Variants in TSPAN15 observed in about 807,000 individuals in gnomAD.
The protein encoded by TSPAN15 is tetraspanin-15.
Under a neutral mutation model 34.5 loss-of-function variants are expected in TSPAN15, and 20 were observed. The ratio of observed to expected loss-of-function variants is 0.58; its 90% CI spans 0.41 to 0.84. TSPAN15 has a LOEUF of 0.84. Ranked by LOEUF, TSPAN15 falls within the 40% of genes least tolerant of loss-of-function variation. TSPAN15 has a pLI of 0.00. For synonymous variants in TSPAN15, 155 were observed against 153.9 expected (o/e 1.01, Z -0.05); for missense variants, 313 against 386.1 (o/e 0.81, Z 1.59).
At chr10:69,539,522 A>G in the TSPAN15 span, among the ~76,000 whole-genome samples, 62 of 114,622 alleles carry the variant, frequency 5.4e-4, 5 homozygotes, top group East Asian at 5.5e-3. Context: ...AAGAAGAAGA[A>G]GAAGAAGAAG....
At chr10:69,456,286 C>A (rs1841107767) in intron 1 of TSPAN15, among the ~76,000 whole-genome samples, 1 of 152,022 alleles carries the variant, frequency 6.6e-6, no homozygotes, top group East Asian at 1.9e-4. Context: ...CGGGGTTCTA[C>A]CATGTTGACC....
At chr10:69,493,591 G>C (rs1446909908) in intron 3 of TSPAN15, among the ~76,000 whole-genome samples, 3 of 150,290 alleles carry the variant, frequency 2.0e-5, no homozygotes, top group African/African-American at 7.4e-5. Flanking sequence ...TCCTGCCTCA[G>C]CCTCCCGAGT....
intron 3 of TSPAN15, among the ~76,000 whole-genome samples, chr10:69,490,449 G>A (rs1478346458): frequency 2.6e-5 from 4 of 152,316 alleles, no homozygotes; most frequent in Non-Finnish European, 4.4e-5. Context: ...GGCCAGGTGC[G>A]GTGGCTCATG....
chr10:69,461,858 C>G (rs1841265365), intron 1 of TSPAN15, among the ~76,000 whole-genome samples: 1 of 152,120 alleles, frequency 6.6e-6, no homozygotes, highest in South Asian at 2.1e-4. Context: ...ACCTTGACTT[C>G]ATGGCTCAAG....
intron 1 of TSPAN15, among the ~76,000 whole-genome samples, chr10:69,471,567 C>T (rs1189072562): frequency 6.6e-6 from 1 of 151,918 alleles, no homozygotes; most frequent in Non-Finnish European, 1.5e-5. Flanking sequence ...CTCACTCTCC[C>T]CTTCTCCCCA....
intron 3 of TSPAN15, among the ~76,000 whole-genome samples, chr10:69,487,531 C>G (rs887162048): frequency 2.0e-5 from 3 of 151,812 alleles, no homozygotes. Context: ...CCCGGCCGCC[C>G]TGAGGCTTTC....
chr10:69,504,593 C>T, intron 6 of TSPAN15, 108 bp downstream of exon 6: 1 of 1,180,520 alleles, frequency 8.5e-7, no homozygotes, highest in South Asian at 1.3e-5. Context: ...GAGATTTTCC[C>T]ACATTCCTGG....
chr10:69,457,947 G>T (rs146084378), intron 1 of TSPAN15, among the ~76,000 whole-genome samples: 2 of 152,304 alleles, frequency 1.3e-5, no homozygotes, highest in East Asian at 3.9e-4. Flanking sequence ...CTAAGAATGA[G>T]AAGGGCTGTT....
At chr10:69,485,076 C>T in intron 2 of TSPAN15, 65 bp from the exon 3 acceptor site, 3 of 1,489,310 alleles carry the variant, frequency 2.0e-6, no homozygotes, top group Non-Finnish European at 2.8e-6. Flanking sequence ...CAGATGGTGC[C>T]TCCCCTGTAC....
intron 3 of TSPAN15, among the ~76,000 whole-genome samples, chr10:69,485,942 C>G (rs908913521): frequency 6.6e-6 from 1 of 152,186 alleles, no homozygotes; most frequent in African/African-American, 2.4e-5. Context: ...TGATGCCTGG[C>G]ATCCTGGCCC....
chr10:69,485,019 G>C (rs960680213), intron 2 of TSPAN15, 122 bp from the exon 3 acceptor site: 1 of 927,588 alleles, frequency 1.1e-6, no homozygotes, highest in African/African-American at 1.6e-5. Context: ...CCTAGGAGCT[G>C]GTAGGAGCTC....
chr10:69,525,458 G>A, the TSPAN15 span, among the ~76,000 whole-genome samples: 1 of 138,326 alleles, frequency 7.2e-6, no homozygotes, highest in African/African-American at 2.6e-5. Context: ...ATCAGCCTTG[G>A]CAACATAGCA....
intron 3 of TSPAN15, chr10:69,494,497 G>A (rs1248021758): frequency 1.6e-5 from 4 of 248,894 alleles, no homozygotes; most frequent in East Asian, 3.6e-4. Flanking sequence ...AAGAAGTAGC[G>A]GAGGCCCAGG....
Position 69,492,365 on chromosome 10 carries a change from C to T in TSPAN15, c.358-3229C>T, listed in dbSNP as rs574676776. On this transcript the variant is annotated intron_variant, in intron 3 of 7. Coordinates refer to ENST00000373290, the MANE Select transcript of TSPAN15 (RefSeq NM_012339.5). ...CTCACACACACCCACCCCCAACCAT[C>T]GCCCCTCACAGCACAGGAACCATCT... Among the ~76,000 whole-genome samples, 72 of 152,314 alleles carry T rather than the reference C, an allele frequency of 4.7e-4. 1 individual carries two copies. In the South Asian group the frequency reaches 0.015, roughly 32 times the overall value.
chr10:69,456,665 C>T (rs771475630), intron 1 of TSPAN15, among the ~76,000 whole-genome samples: 26 of 152,124 alleles, frequency 1.7e-4, no homozygotes, highest in Admixed American at 5.2e-4. Flanking sequence ...GTGACCCTGA[C>T]GCCTACCCTC....
downstream of TSPAN15, among the ~76,000 whole-genome samples, chr10:69,512,185 G>A (rs1262289794): frequency 1.3e-5 from 2 of 152,182 alleles, no homozygotes; most frequent in Non-Finnish European, 1.5e-5. Flanking sequence ...GTGCTTTAAA[G>A]CCAATGAATG....
chr10:69,486,338 T>C (rs1841852944), intron 3 of TSPAN15, among the ~76,000 whole-genome samples: 1 of 152,242 alleles, frequency 6.6e-6, no homozygotes, highest in Non-Finnish European at 1.5e-5. Context: ...GCCTGGCCTG[T>C]ACCCCTCCCT....
the TSPAN15 span, among the ~76,000 whole-genome samples, chr10:69,528,075 G>A: frequency 4.7e-4 from 69 of 148,238 alleles, 6 homozygotes; most frequent in African/African-American, 1.5e-3. Context: ...CTATCCGCCC[G>A]GATCCCATGC....
At chr10:69,527,461 G>C in the TSPAN15 span, among the ~76,000 whole-genome samples, 16 of 147,026 alleles carry the variant, frequency 1.1e-4, 3 homozygotes, top group South Asian at 3.4e-3. Context: ...TGGGCGTGGT[G>C]GTGCATACCT....
Sources: gnomAD v4.1 joint callset for allele counts (sites outside exome capture counted in the v4.1 genomes callset) on GRCh38, gnomAD v4.1.1 for gene constraint, MANE v1.5 for transcripts, NCBI Gene and HGNC (gene_info 2026-07-23, HGNC 2026-07-21) for gene names.